The following TAS2R1 variants were observed in gnomAD, a reference collection of about 807,000 sequenced individuals.
The protein encoded by TAS2R1 is taste 2 receptor member 1.
For synonymous variants in TAS2R1, 141 were observed against 134.2 expected, an observed-to-expected ratio of 1.05 and a Z score of -0.35; for missense variants, 370 against 353.4, an observed-to-expected ratio of 1.05 and a Z score of -0.38.
At chr5:9,857,518 GGT>G in the TAS2R1 span, among the ~76,000 whole-genome samples, 14 of 152,072 alleles carry the variant, frequency 9.2e-5, no homozygotes, top group African/African-American at 3.4e-4. Flanking sequence ...AAACCACCAT[GGT>G]TCACGTTTAC....
the TAS2R1 span, among the ~76,000 whole-genome samples, chr5:9,869,492 G>A: frequency 1.3e-5 from 2 of 152,086 alleles, no homozygotes; most frequent in Non-Finnish European, 2.9e-5. Flanking sequence ...CTCCCACCAG[G>A]TCATTCCCAC....
chr5:9,723,334 A>G, the TAS2R1 span, among the ~76,000 whole-genome samples: 2 of 152,018 alleles, frequency 1.3e-5, no homozygotes, highest in East Asian at 3.9e-4. Flanking sequence ...CCGAGGGGAG[A>G]GTGCACTGAT....
the TAS2R1 span, among the ~76,000 whole-genome samples, chr5:9,719,305 G>A: frequency 2.0e-5 from 3 of 152,178 alleles, no homozygotes; most frequent in Non-Finnish European, 4.4e-5. Context: ...AATCAAATGG[G>A]TTAAAAACAA....
chr5:9,874,108 G>GA, the TAS2R1 span, among the ~76,000 whole-genome samples: 233 of 152,124 alleles, frequency 1.5e-3, 3 homozygotes, highest in South Asian at 9.0e-3. Flanking sequence ...TTTACAAATT[G>GA]AAAAAATTAT....
rs1739777477 is a variant in TAS2R1, at chr5:9,627,487, A to G, written c.*1646T>C. Among the ~76,000 whole-genome samples, 1 of 152,206 alleles carries G rather than the reference A, an allele frequency of 6.6e-6. No individual in the cohort carries two copies. Among genetic ancestry groups the G allele is most frequent in the Non-Finnish European group, 1.5e-5 (1 of 68,022 alleles). ...GTTGCATGAAATAGAATCAGAATTT[A>G]GTATCAGAAAAAAAAACACATGAGA... is the stretch of plus-strand genomic sequence containing the variant. On this transcript the variant is annotated 3_prime_UTR_variant, in exon 1 of 1. Transcript: ENST00000382492.
chr5:9,644,594 G>A (rs1473929632), intron 2 of TAS2R1, among the ~76,000 whole-genome samples: 1 of 152,112 alleles, frequency 6.6e-6, no homozygotes, highest in African/African-American at 2.4e-5. Context: ...TGTCATGGAT[G>A]GTAAGTTTGG....
the TAS2R1 span, among the ~76,000 whole-genome samples, chr5:9,768,792 G>A: frequency 7.9e-5 from 12 of 152,258 alleles, no homozygotes; most frequent in African/African-American, 2.6e-4. Flanking sequence ...ATTTTTATGG[G>A]TACGTAATAG....
chr5:9,828,131 TA>T, the TAS2R1 span, among the ~76,000 whole-genome samples: 2 of 152,080 alleles, frequency 1.3e-5, no homozygotes, highest in Non-Finnish European at 2.9e-5. Flanking sequence ...TTTATTTATT[TA>T]TTTATTTTTT....
chr5:9,636,995 TTC>T (rs749571726), intron 2 of TAS2R1, among the ~76,000 whole-genome samples: 42 of 152,116 alleles, frequency 2.8e-4, no homozygotes, highest in Non-Finnish European at 4.9e-4. Flanking sequence ...GTTTTTTTTT[TTC>T]CATTGTGTTA....
At chr5:9,713,544 A>G (rs368736900), upstream of TAS2R1, among the ~76,000 whole-genome samples, 33 of 152,288 alleles carry the variant, frequency 2.2e-4, no homozygotes, top group East Asian at 6.4e-3. Flanking sequence ...TTATTTGCTG[A>G]AATGTGATGA....
the TAS2R1 span, among the ~76,000 whole-genome samples, chr5:9,734,209 T>C: frequency 1.3e-5 from 2 of 152,218 alleles, no homozygotes; most frequent in African/African-American, 2.4e-5. Context: ...AGACATGGCA[T>C]CTGCTGGCAC....
chr5:9,875,750 G>A, the TAS2R1 span, among the ~76,000 whole-genome samples: 2 of 152,176 alleles, frequency 1.3e-5, no homozygotes, highest in Non-Finnish European at 2.9e-5. Flanking sequence ...CCAAAAGTGA[G>A]CAGCATCTCC....
At chr5:9,676,254 ATTTT>A (rs1740872751) in intron 1 of TAS2R1, among the ~76,000 whole-genome samples, 1 of 152,186 alleles carries the variant, frequency 6.6e-6, no homozygotes, top group African/African-American at 2.4e-5. Flanking sequence ...GTTTGCTGGT[ATTTT>A]GTTGAGGAAA....
the TAS2R1 span, among the ~76,000 whole-genome samples, chr5:9,855,003 G>A: frequency 1.3e-5 from 2 of 152,154 alleles, no homozygotes; most frequent in Admixed American, 6.5e-5. Context: ...TACTTGTTTC[G>A]AGAGCCCCCA....
the TAS2R1 span, among the ~76,000 whole-genome samples, chr5:9,827,331 T>C: frequency 6.6e-6 from 1 of 152,288 alleles, no homozygotes; most frequent in East Asian, 1.9e-4. Context: ...CCTAGTCCAG[T>C]CCATCTCCTG....
At chr5:9,824,259 A>G in the TAS2R1 span, among the ~76,000 whole-genome samples, 2 of 152,110 alleles carry the variant, frequency 1.3e-5, no homozygotes, top group African/African-American at 2.4e-5. Flanking sequence ...CCATAATCCT[A>G]TCTCTCCAGT....
intron 2 of TAS2R1, among the ~76,000 whole-genome samples, chr5:9,642,192 T>C (rs1740098662): frequency 6.6e-6 from 1 of 152,226 alleles, no homozygotes; most frequent in Non-Finnish European, 1.5e-5. Context: ...AATGTTCATC[T>C]TTCTGCTTTC....
chr5:9,714,735 A>C (rs753738822), upstream of TAS2R1, among the ~76,000 whole-genome samples: 1 of 152,250 alleles, frequency 6.6e-6, no homozygotes, highest in African/African-American at 2.4e-5. Context: ...TGAGAATGGA[A>C]GAAAAGCCTT....
upstream of TAS2R1, chr5:9,712,493 C>G (rs754314339): frequency 6.6e-6 from 1 of 152,170 alleles, no homozygotes; most frequent in Non-Finnish European, 1.5e-5. Flanking sequence ...AATCAGTTGA[C>G]AGTCTTAAGA....
Sources: allele counts gnomAD v4.1 joint callset (sites outside exome capture counted in the v4.1 genomes callset), GRCh38; gene constraint gnomAD v4.1.1; transcripts MANE v1.5; gene names NCBI Gene and HGNC (gene_info 2026-07-23, HGNC 2026-07-21).